The following MECOM variants were observed in gnomAD, a reference collection of about 807,000 sequenced individuals.
MECOM encodes MDS1 and EVI1 complex locus.
A neutral mutation model predicts 116.3 loss-of-function variants in MECOM; 13 were observed. That is an observed-to-expected ratio of 0.11 (90% confidence interval 0.07 to 0.18). The LOEUF (loss-of-function observed/expected upper bound fraction) is 0.18. Among genes scored for constraint, MECOM ranks in the 10% least tolerant of loss-of-function variants. The pLI is 1.00. For missense variants in MECOM, 1,299 were observed against 1,509.0 expected, an observed-to-expected ratio of 0.86 and a Z score of 2.31; for synonymous variants, 528 against 535.2, an observed-to-expected ratio of 0.99 and a Z score of 0.19.
intron 1 of MECOM, among the ~76,000 whole-genome samples, chr3:169,582,759 T>C (rs915576010): frequency 1.3e-5 from 2 of 152,212 alleles, no homozygotes; most frequent in Non-Finnish European, 2.9e-5. Flanking sequence ...ACCAGCTGCG[T>C]CAGGAAGCAG....
intron 2 of MECOM, among the ~76,000 whole-genome samples, chr3:169,203,321 A>G (rs1749450738): frequency 6.6e-6 from 1 of 152,162 alleles, no homozygotes; most frequent in African/African-American, 2.4e-5. Flanking sequence ...TTAATACCAC[A>G]GTGGAAAGAA....
At chr3:169,276,683 C>A (rs1759625101) in intron 2 of MECOM, among the ~76,000 whole-genome samples, 2 of 151,778 alleles carry the variant, frequency 1.3e-5, no homozygotes, top group Non-Finnish European at 2.9e-5. Context: ...TGTACTAGAT[C>A]TTCTTTATGC....
intron 2 of MECOM, among the ~76,000 whole-genome samples, chr3:169,263,082 T>A (rs1266485820): frequency 7.4e-4 from 1 of 1,348 alleles, no homozygotes; most frequent in African/African-American, 2.5e-3. Context: ...AGATGCTATA[T>A]ATATATATAT....
intron 1 of MECOM, among the ~76,000 whole-genome samples, chr3:169,587,822 A>T (rs1765952302): frequency 6.6e-6 from 1 of 152,148 alleles, no homozygotes; most frequent in African/African-American, 2.4e-5. Context: ...TATCTTTTAA[A>T]ATGCACTTTT....
intron 1 of MECOM, among the ~76,000 whole-genome samples, chr3:169,580,282 G>A (rs1473675350): frequency 6.6e-5 from 10 of 152,062 alleles, no homozygotes; most frequent in South Asian, 2.1e-4. Flanking sequence ...ACATGAATAC[G>A]TTCTTTAGTG....
At chr3:169,291,142 A>C (rs1449159694) in intron 2 of MECOM, among the ~76,000 whole-genome samples, 1 of 152,106 alleles carries the variant, frequency 6.6e-6, no homozygotes, top group Non-Finnish European at 1.5e-5. Flanking sequence ...ATATTATTCA[A>C]ACTTTGGTGA....
chr3:169,381,674 A>T (rs1207719039), intron 1 of MECOM, 150 bp from the exon 2 acceptor site: 11 of 652,882 alleles, frequency 1.7e-5, no homozygotes, highest in Non-Finnish European at 2.8e-5. Flanking sequence ...TATTATTTAC[A>T]GGCCAGGGAG....
intron 2 of MECOM, among the ~76,000 whole-genome samples, chr3:169,232,041 A>G (rs1192297158): frequency 6.6e-6 from 1 of 152,110 alleles, no homozygotes; most frequent in African/African-American, 2.4e-5. Context: ...CATGAATGGT[A>G]CCCATTGCCC....
At chr3:169,491,488 A>G (rs9867896) in intron 1 of MECOM, among the ~76,000 whole-genome samples, 110,482 of 152,112 alleles carry the variant, frequency 0.73, 40,824 homozygotes, top group African/African-American at 0.88. Flanking sequence ...GGCACTATAA[A>G]ACAGAAAAAT....
At chr3:169,535,870 C>T (rs900326256) in intron 1 of MECOM, among the ~76,000 whole-genome samples, 4 of 152,126 alleles carry the variant, frequency 2.6e-5, no homozygotes, top group Admixed American at 6.5e-5. Flanking sequence ...CTCTCTGGGT[C>T]CCATGATAAC....
At chr3:169,593,994 G>A (rs981829605) in intron 1 of MECOM, among the ~76,000 whole-genome samples, 4 of 151,634 alleles carry the variant, frequency 2.6e-5, no homozygotes, top group African/African-American at 7.3e-5. Flanking sequence ...GGTGGTGCAC[G>A]CCTGTAGTCC....
intron 1 of MECOM, among the ~76,000 whole-genome samples, chr3:169,536,129 C>T (rs980693997): frequency 7.2e-5 from 11 of 152,114 alleles, no homozygotes; most frequent in Admixed American, 1.3e-4. Context: ...CTGTGCCTTG[C>T]CTTGTTCTGT....
At chr3:169,447,751 C>G (rs1392282158) in intron 1 of MECOM, 1 of 152,210 alleles carries the variant, frequency 6.6e-6, no homozygotes, top group Admixed American at 6.5e-5. Flanking sequence ...AGGCTACACA[C>G]CAGAGCTCAA....
intron 16 of MECOM, 53 bp downstream of exon 16, chr3:169,088,947 G>A: frequency 1.5e-6 from 2 of 1,340,150 alleles, no homozygotes; most frequent in East Asian, 2.7e-5. Context: ...CAAAGGAAAT[G>A]TACGTTTCAT....
chr3:169,165,614 C>T (rs1743461412), intron 2 of MECOM, among the ~76,000 whole-genome samples: 1 of 152,074 alleles, frequency 6.6e-6, no homozygotes, highest in African/African-American at 2.4e-5. Flanking sequence ...CTTTATGTAC[C>T]ATACGAAATT....
intron 1 of MECOM, among the ~76,000 whole-genome samples, chr3:169,596,844 A>G (rs1767204988): frequency 6.6e-6 from 1 of 152,228 alleles, no homozygotes; most frequent in South Asian, 2.1e-4. Context: ...TAGTTTAATG[A>G]AATGCCTCTT....
At chr3:169,575,010 G>A (rs1764323922) in intron 1 of MECOM, among the ~76,000 whole-genome samples, 1 of 152,060 alleles carries the variant, frequency 6.6e-6, no homozygotes, top group Admixed American at 6.5e-5. Context: ...CAGGGGCAAA[G>A]CAGAATATCG....
In MECOM at chr3:169,109,443, T is replaced by C. The variant is rs1576960064; in HGVS notation, c.2578-1491A>G. ...TTTTTTTTTTTTTTGAGTTGGACTT[T>C]CACTCTTGTTGCCCAGGCTAGAGTG... On this transcript the variant is annotated intron_variant, in intron 9 of 16. Coordinates refer to ENST00000651503, the MANE Select transcript of MECOM (RefSeq NM_004991.4). Among the ~76,000 whole-genome samples the C allele has an allele frequency of 5.3e-5, 8 of 151,426 alleles. No individual in the cohort carries two copies. In the East Asian group the frequency reaches 1.6e-3, roughly 29 times the overall value.
At chr3:169,113,925 T>C (rs1336402350) in intron 8 of MECOM, among the ~76,000 whole-genome samples, 4 of 151,890 alleles carry the variant, frequency 2.6e-5, no homozygotes, top group Non-Finnish European at 1.5e-5. Flanking sequence ...CTTTCATGAG[T>C]TTGGCAAAAT....
Sources: allele counts gnomAD v4.1 joint callset (sites outside exome capture counted in the v4.1 genomes callset), GRCh38; gene constraint gnomAD v4.1.1; transcripts MANE v1.5; gene names NCBI Gene and HGNC (gene_info 2026-07-23, HGNC 2026-07-21).